Variants in KMT2A observed in about 807,000 individuals in gnomAD.
The protein encoded by KMT2A is lysine methyltransferase 2A, also known as histone-lysine N-methyltransferase 2A.
KMT2A carries 16 observed loss-of-function variants against 345.3 expected under a neutral mutation model. That is an observed-to-expected ratio of 0.05 (90% confidence interval 0.03 to 0.07). The LOEUF is 0.07. KMT2A is among the 10% of genes least tolerant of loss of function. The pLI is 1.00. For missense variants in KMT2A, 3,272 were observed against 4,841.6 expected, an observed-to-expected ratio of 0.68 and a Z score of 9.62; for synonymous variants, 1,599 against 1,778.6, an observed-to-expected ratio of 0.90 and a Z score of 2.54.
rs781797746 is a variant in KMT2A at position 118,510,048 on chromosome 11, A to C, written c.11001A>C (p.Lys3667Asn). 1 of 1,614,000 alleles carries C rather than the reference A, an allele frequency of 6.2e-7. No individual in the cohort carries two copies. The change falls in exon 30 of 36, where the codon AAA (lysine) becomes AAC (asparagine). Residue 3667 changes from lysine to asparagine, a missense_variant. This residue lies in a region of KMT2A where 748 missense variants were observed against 922.2 expected (regional missense o/e 0.81). Coordinates refer to ENST00000534358, the MANE Select transcript of KMT2A (RefSeq NM_001197104.2). The surrounding 1 kb of genome is among the most constrained non-coding windows in gnomAD (Gnocchi z 4.1). ...GGAAGGAAAGCATTACTGAGAAAAA[A>C]CCCAAGAAAGGACTTGTTTTTGAAA... is the stretch of plus-strand genomic sequence containing the variant. Reference protein sequence around the residue: ...QKRKESITEKKPKKGLVFEIS... With the variant: ...QKRKESITEKNPKKGLVFEIS...
At chr11:118,492,025 T>C in intron 15 of KMT2A, 97 bp downstream of exon 15, 1 of 849,302 alleles carries the variant, frequency 1.2e-6, no homozygotes, top group Non-Finnish European at 1.8e-6. Context: ...ACTTAATTTT[T>C]AGTTACTTGT....
Position 118,494,462 on chromosome 11 carries a change from A to G in KMT2A, c.5289+64A>G. 1.1e-6 allele frequency: 1 copy of G among 945,626 alleles called. No individual in the cohort carries two copies. Among genetic ancestry groups the G allele is most frequent in the Admixed American group, 1.9e-5 (1 of 51,656 alleles). 58.6% of individuals were successfully genotyped at this position (945,626 alleles called of 1,614,324 possible). A position where few individuals can be genotyped will look rare whatever the true frequency, so the allele number is the denominator to read the frequency against. On this transcript the variant is annotated intron_variant, in intron 17 of 35. Coordinates refer to ENST00000534358, the MANE Select transcript of KMT2A (RefSeq NM_001197104.2). The surrounding 1 kb of genome is among the most constrained non-coding windows in gnomAD (Gnocchi z 5.8). The stretch of plus-strand genomic sequence containing the variant: ...TATAAGTAATTACCCTGTGAATACA[A>G]TGAACTTGTTCTCTTCTACTTTTTG...
Position 118,473,441 on chromosome 11 carries a change from G to C in KMT2A, c.2282G>C (p.Arg761Thr). Residue 761 changes from arginine to threonine, a missense_variant, in exon 3 of 36, where the codon AGG (arginine) becomes ACG (threonine). Coordinates refer to ENST00000534358, the MANE Select transcript of KMT2A (RefSeq NM_001197104.2). The surrounding 1 kb of genome is among the most constrained non-coding windows in gnomAD (Gnocchi z 5.2). ...PSHSMRTRSG[R>T]LSSSELSPLT... Reference sequence around the variant, plus strand: ...CACTCCATGAGGACAAGAAGTGGAAGGCTTAGTAGTTCTGAGCTCTCACCT... The same window carrying C: ...CACTCCATGAGGACAAGAAGTGGAACGCTTAGTAGTTCTGAGCTCTCACCT... 6.2e-7 allele frequency: 1 copy of C among 1,614,172 alleles called. No individual in the cohort carries two copies. Among genetic ancestry groups the C allele is most frequent in the Non-Finnish European group, 8.5e-7 (1 of 1,180,010 alleles).
rs1477346008 is a variant in KMT2A, at chr11:118,525,440, CCT to C, written c.*3271_*3272del. 3 of 227,738 alleles carry C rather than the reference CCT, an allele frequency of 1.3e-5. No individual in the cohort carries two copies. The highest frequency in any genetic ancestry group is 2.6e-5 in the Non-Finnish European group (3 of 114,770). 14.1% of individuals were successfully genotyped at this position (227,738 alleles called of 1,614,324 possible). A position where few individuals can be genotyped will look rare whatever the true frequency, so the allele number is the denominator to read the frequency against. On this transcript the variant is annotated 3_prime_UTR_variant, in exon 36 of 36. Coordinates refer to ENST00000534358, the MANE Select transcript of KMT2A (RefSeq NM_001197104.2). ...GCCACCCACCACCTCTCGCACAGCC[CCT>C]CTGTTTTTACACCAATAACAAGAAT...
rs897755481 is a variant in KMT2A at position 118,521,093 on chromosome 11, C to T, written c.11514-195C>T. ...AGCATTAAAATATTACTGCTTCCAGCGGGTCACAGAATGGAAATAACTTTC... is the reference window on the plus strand; with the variant it reads ...AGCATTAAAATATTACTGCTTCCAGTGGGTCACAGAATGGAAATAACTTTC... On this transcript the variant is annotated intron_variant, in intron 34 of 35. Coordinates refer to ENST00000534358, the MANE Select transcript of KMT2A (RefSeq NM_001197104.2). The surrounding 1 kb of genome is among the most constrained non-coding windows in gnomAD (Gnocchi z 5.3). The T allele has an allele frequency of 2.1e-5, 14 of 665,194 alleles. No individual in the cohort carries two copies. Among genetic ancestry groups the T allele is most frequent in the African/African-American group, 1.6e-4 (9 of 54,924 alleles). 41.2% of individuals were successfully genotyped at this position (665,194 alleles called of 1,614,324 possible).
intron 1 of KMT2A, among the ~76,000 whole-genome samples, chr11:118,438,664 A>G (rs749129781): frequency 2.3e-4 from 35 of 152,178 alleles, no homozygotes; most frequent in Non-Finnish European, 4.4e-4. Flanking sequence ...ATTTACGGAA[A>G]GATCCTGGGA....
intron 2 of KMT2A, among the ~76,000 whole-genome samples, chr11:118,470,119 C>T (rs950859072): frequency 6.6e-6 from 1 of 152,162 alleles, no homozygotes; most frequent in African/African-American, 2.4e-5. Flanking sequence ...GGGAAGTTAG[C>T]AGCAGTGCTG....
In KMT2A at chr11:118,521,398, A is replaced by T. The variant is rs781980190; in HGVS notation, c.11624A>T (p.Glu3875Val). The T allele has an allele frequency of 6.2e-7, 1 of 1,614,044 alleles. No individual in the cohort carries two copies. Among genetic ancestry groups the T allele is most frequent in the South Asian group, 1.1e-5 (1 of 91,060 alleles). The change falls in exon 35 of 36, where the codon GAA (glutamate) becomes GTA (valine). Residue 3875 changes from glutamate to valine, a missense_variant. Glu to Val is a moderately radical substitution (Grantham distance 121, BLOSUM62 -2). Coordinates refer to ENST00000534358, the MANE Select transcript of KMT2A (RefSeq NM_001197104.2). This position sits in a 1 kb window ranked among gnomAD's most constrained non-coding sequence, Gnocchi z 5.3. ...VIRSIQTDKR[E>V]KYYDSKGIGC... is the part of the protein sequence containing the mutation. ...CGCTCCATCCAGACTGACAAGCGGGAAAAGTATTACGACAGCAAGGTAAGT... is the reference window on the plus strand; with the variant it reads ...CGCTCCATCCAGACTGACAAGCGGGTAAAGTATTACGACAGCAAGGTAAGT...
intron 10 of KMT2A, among the ~76,000 whole-genome samples, chr11:118,485,664 G>C (rs1008773833): frequency 6.6e-6 from 1 of 152,102 alleles, no homozygotes; most frequent in East Asian, 1.9e-4. Context: ...AACACTTATG[G>C]ATATAATTAG....
At position 118,505,970 on chromosome 11, in the gene KMT2A, T is replaced by C; in HGVS notation, c.10078T>C (p.Ser3360Pro). 6.2e-7 allele frequency: 1 copy of C among 1,614,184 alleles called. No homozygotes were observed. Among genetic ancestry groups the C allele is most frequent in the Non-Finnish European group, 8.5e-7 (1 of 1,180,030 alleles). ...TACCACAACCCCTACAAGTAGTGCG[T>C]CAGTTCCAGGACACGTCACCTTAAC... Reference protein sequence around the residue: ...QTTTTPTSSASVPGHVTLTNP... With the variant: ...QTTTTPTSSAPVPGHVTLTNP... Residue 3360 changes from serine to proline, a missense_variant, in exon 27 of 36, where the codon TCA (serine) becomes CCA (proline). Physicochemically the swap from Ser to Pro is moderately conservative, Grantham distance 74. Around this residue, in one of 27 missense-constraint regions of KMT2A, gnomAD observed 748 missense variants for 922.2 expected, o/e 0.81. Coordinates refer to ENST00000534358, the MANE Select transcript of KMT2A (RefSeq NM_001197104.2). The surrounding 1 kb of genome is among the most constrained non-coding windows in gnomAD (Gnocchi z 4.6).
At chr11:118,492,549 G>T (rs1333247371) in intron 15 of KMT2A, among the ~76,000 whole-genome samples, 2 of 152,186 alleles carry the variant, frequency 1.3e-5, no homozygotes, top group African/African-American at 2.4e-5. Context: ...CATGGTAGCG[G>T]TCACCTGTAG....
Position 118,509,388 on chromosome 11 carries a change from T to C in KMT2A, c.10900+188T>C, listed in dbSNP as rs183200691. ...GTCTCTCGGTGCAGTGTTCTTCCAG[T>C]ACATATTGTGTGATCACCTGTCAGC... is the stretch of plus-strand genomic sequence containing the variant. On this transcript the variant is annotated intron_variant, in intron 29 of 35. Transcript: ENST00000534358. 4.9e-4 allele frequency among the ~76,000 whole-genome samples: 75 copies of C among 152,304 alleles called. 3 individuals carry two copies. In the East Asian group the frequency reaches 0.014, roughly 29 times the overall value.
chr11:118,482,777 AAG>A (rs1950158505), intron 8 of KMT2A, among the ~76,000 whole-genome samples: 1 of 151,340 alleles, frequency 6.6e-6, no homozygotes, highest in Non-Finnish European at 1.5e-5. Context: ...GAAGAAGAAG[AAG>A]AAGTTAGCCA....
rs200914297 is a variant in KMT2A, at chr11:118,452,053, C to T, written c.432+15109C>T. 8.6e-5 allele frequency among the ~76,000 whole-genome samples: 13 copies of T among 151,996 alleles called. No individual in the cohort carries two copies. In the East Asian group the frequency reaches 1.2e-3, roughly 14 times the overall value. ...GTTTGCTTTTTGTTTTTTTAAGAGA[C>T]GAGGTCTCACTATGTTACCTGCGCT... On this transcript the variant is annotated intron_variant, in intron 1 of 35. Transcript: ENST00000534358.
At position 118,513,249 on chromosome 11, in the gene KMT2A, A is replaced by G. The variant is rs372502484; in HGVS notation, c.11146+1224A>G. Among the ~76,000 whole-genome samples the G allele has an allele frequency of 5.9e-5, 9 of 152,076 alleles. No homozygotes were observed. In the East Asian group the frequency reaches 9.7e-4, roughly 16 times the overall value. ...ACAGATAAATACTTTGTCACAAAAA[A>G]AAGAAGAAGAAGAAGAAGAAGGTTT... is the stretch of plus-strand genomic sequence containing the variant. On this transcript the variant is annotated intron_variant, in intron 31 of 35. Transcript: ENST00000534358.
Position 118,504,711 on chromosome 11 carries a change from G to A in KMT2A, c.8819G>A (p.Arg2940Gln), listed in dbSNP as rs782476723. The A allele has an allele frequency of 4.3e-6, 7 of 1,613,934 alleles. No homozygotes were observed. Among genetic ancestry groups the A allele is most frequent in the African/African-American group, 2.7e-5 (2 of 74,882 alleles). Residue 2940 changes from arginine to glutamine, a missense_variant, in exon 27 of 36, where the codon CGG (arginine) becomes CAG (glutamine). Around this residue, in one of 27 missense-constraint regions of KMT2A, gnomAD observed 748 missense variants for 922.2 expected, o/e 0.81. Coordinates refer to ENST00000534358, the MANE Select transcript of KMT2A (RefSeq NM_001197104.2). This position sits in a 1 kb window ranked among gnomAD's most constrained non-coding sequence, Gnocchi z 6.4. ...LPSDLSVLTT[R>Q]SPTVPSQNPS... ...TCTGATCTGTCTGTCTTGACCACCC[G>A]GAGTCCCACTGTCCCCAGCCAGAAT...
In KMT2A at chr11:118,495,933, A is replaced by G. The variant is rs782107284; in HGVS notation, c.5557+40A>G. 29 of 1,489,356 alleles carry G rather than the reference A, an allele frequency of 1.9e-5. No individual in the cohort carries two copies. The highest frequency in any genetic ancestry group is 2.7e-5 in the Non-Finnish European group (29 of 1,092,054). 92.3% of individuals were successfully genotyped at this position (1,489,356 alleles called of 1,614,324 possible). ...GGAGAGTCGTCACCCATTTCCCTCT[A>G]GATGCAGATGATTGACTTCGTGAAT... On this transcript the variant is annotated intron_variant, in intron 19 of 35. Transcript: ENST00000534358. This position sits in a 1 kb window ranked among gnomAD's most constrained non-coding sequence, Gnocchi z 4.1.
At position 118,495,687 on chromosome 11, in the gene KMT2A, C is replaced by A; in HGVS notation, c.5364-13C>A. The A allele has an allele frequency of 1.3e-6, 2 of 1,592,596 alleles. No homozygotes were observed. Among genetic ancestry groups the A allele is most frequent in the South Asian group, 2.3e-5 (2 of 88,806 alleles). Reference sequence around the variant, plus strand: ...GGAGTTCAATAAATGCTTGTTGAATCAATTATTTTCAGCAGTGGGATGTTA... The same window carrying A: ...GGAGTTCAATAAATGCTTGTTGAATAAATTATTTTCAGCAGTGGGATGTTA... On this transcript the variant is annotated splice_polypyrimidine_tract_variant and intron_variant, in intron 18 of 35. Transcript: ENST00000534358. The surrounding 1 kb of genome is among the most constrained non-coding windows in gnomAD (Gnocchi z 4.1).
At position 118,491,225 on chromosome 11, in the gene KMT2A, TATG is replaced by T. The variant is rs1555042391; in HGVS notation, c.4737_4739del (p.Asp1580del). The T allele has an allele frequency of 4.3e-6, 7 of 1,613,642 alleles. No individual in the cohort carries two copies. The highest frequency in any genetic ancestry group is 1.1e-5 in the South Asian group (1 of 91,026). ...CTTCTGCCCTCTCTGTGACAAATGT[TATG>T]ATGATGATGACTATGAGAGTAAGAT... On this transcript the variant is annotated inframe_deletion, in exon 14 of 36. Transcript: ENST00000534358. The surrounding 1 kb of genome is among the most constrained non-coding windows in gnomAD (Gnocchi z 4.2).
Sources: allele counts gnomAD v4.1 joint callset (sites outside exome capture counted in the v4.1 genomes callset), GRCh38; gene constraint gnomAD v4.1.1; regional missense constraint gnomAD v4.1.1; non-coding constraint Gnocchi (gnomAD v3.1); transcripts MANE v1.5; gene names NCBI Gene and HGNC (gene_info 2026-07-23, HGNC 2026-07-21).